AKAP13: variants seen among roughly 807,000 people sequenced by gnomAD.
The protein encoded by AKAP13 is A-kinase anchor protein 13.
AKAP13 carries 80 observed loss-of-function variants against 264.5 expected under a neutral mutation model. That is an observed-to-expected ratio of 0.30 (90% CI 0.25 to 0.36). AKAP13 has a LOEUF of 0.36. Ranked by LOEUF, AKAP13 falls within the 10% of genes least tolerant of loss-of-function variation. The pLI is 1.00. For synonymous variants in AKAP13, 1,380 were observed against 1,250.2 expected (o/e 1.10, Z -2.19); for missense variants, 3,712 against 3,435.2 (o/e 1.08, Z -2.01).
At chr15:85,533,981 C>A in intron 4 of AKAP13, 101 bp downstream of exon 4, 1 of 1,265,502 alleles carries the variant, frequency 7.9e-7, no homozygotes, top group Non-Finnish European at 1.1e-6. Flanking sequence ...TCAGGTCTTC[C>A]ACAGAGGCTG....
At chr15:85,706,046 T>C (rs2086231683) in intron 17 of AKAP13, among the ~76,000 whole-genome samples, 1 of 152,226 alleles carries the variant, frequency 6.6e-6, no homozygotes, top group African/African-American at 2.4e-5. Flanking sequence ...TCATAGTCTT[T>C]TTATACTTTT....
intron 1 of AKAP13, among the ~76,000 whole-genome samples, chr15:85,384,715 T>TG (rs1258696779): frequency 1.6e-5 from 2 of 127,500 alleles, no homozygotes; most frequent in African/African-American, 5.4e-5. Flanking sequence ...AGACTCCGTC[T>TG]GAAAAAAAAA....
rs1486779052 is a variant in AKAP13 at position 85,735,549 on chromosome 15, T to G, written c.7442-11T>G. 6 of 1,603,280 alleles carry G rather than the reference T, an allele frequency of 3.7e-6. No homozygotes were observed. The highest frequency in any genetic ancestry group is 5.1e-6 in the Non-Finnish European group (6 of 1,177,112). On this transcript the variant is annotated splice_polypyrimidine_tract_variant and intron_variant, in intron 31 of 36. Coordinates refer to ENST00000394518, the MANE Select transcript of AKAP13 (RefSeq NM_007200.5). The stretch of plus-strand genomic sequence containing the variant: ...ACTTTAAAAAAAAAAACAACCCTAT[T>G]TTTTGTTTAGGAGGCGAGAAGGAAG...
chr15:85,501,984 G>A (rs7163958), intron 2 of AKAP13, among the ~76,000 whole-genome samples: 77,292 of 152,068 alleles, frequency 0.51, 20,202 homozygotes, highest in Middle Eastern at 0.61. Context: ...TAACTGGTAC[G>A]GCGGAGCATG....
chr15:85,716,369 G>T (rs756867361), intron 20 of AKAP13, among the ~76,000 whole-genome samples: 14 of 152,142 alleles, frequency 9.2e-5, no homozygotes, highest in Non-Finnish European at 1.8e-4. Flanking sequence ...ACTTAAGTCA[G>T]TTTCATGGAG....
In AKAP13 at chr15:85,718,677, G is replaced by A. The variant is rs2151719871; in HGVS notation, c.6002-399G>A. On this transcript the variant is annotated intron_variant, in intron 22 of 36. Transcript: ENST00000394518. This position sits in a 1 kb window ranked among gnomAD's most constrained non-coding sequence, Gnocchi z 4.9. ...AGCACTCTGGGAGGCTGAGGCGGGTGGATCACTCGAGCCCAGAGTTCAAGA... is the reference window on the plus strand; with the variant it reads ...AGCACTCTGGGAGGCTGAGGCGGGTAGATCACTCGAGCCCAGAGTTCAAGA... 4.8e-6 allele frequency: 1 copy of A among 208,116 alleles called. No individual in the cohort carries two copies. The highest frequency in any genetic ancestry group is 7.2e-5 in the South Asian group (1 of 13,794). The allele number at this position is 208,116 out of a possible 1,614,324, so 12.9% of individuals were successfully genotyped here.
At chr15:85,587,342 G>A (rs889706399) in intron 8 of AKAP13, among the ~76,000 whole-genome samples, 9 of 152,244 alleles carry the variant, frequency 5.9e-5, no homozygotes, top group Middle Eastern at 3.4e-3. Context: ...TTCACTTAGC[G>A]TAATATTTTC....
At chr15:85,628,899 T>G (rs914984348) in intron 8 of AKAP13, among the ~76,000 whole-genome samples, 1 of 152,162 alleles carries the variant, frequency 6.6e-6, no homozygotes, top group African/African-American at 2.4e-5. Context: ...AAGACAAATA[T>G]AAGAATAAGA....
intron 8 of AKAP13, among the ~76,000 whole-genome samples, chr15:85,636,822 C>G (rs1170233838): frequency 6.6e-6 from 1 of 152,112 alleles, no homozygotes; most frequent in Non-Finnish European, 1.5e-5. Context: ...ACCATGTTGG[C>G]CAGGCTGATC....
At chr15:85,498,746 A>G (rs1016004547) in intron 2 of AKAP13, among the ~76,000 whole-genome samples, 1 of 152,192 alleles carries the variant, frequency 6.6e-6, no homozygotes, top group Non-Finnish European at 1.5e-5. Context: ...AATGACTGCC[A>G]TCTGGACTTC....
At chr15:85,644,490 C>G (rs2082457850) in intron 9 of AKAP13, among the ~76,000 whole-genome samples, 1 of 151,040 alleles carries the variant, frequency 6.6e-6, no homozygotes, top group African/African-American at 2.4e-5. Flanking sequence ...ATCCGCCTGC[C>G]TCAGCCTCCC....
chr15:85,568,538 C>A (rs899976063), intron 5 of AKAP13, among the ~76,000 whole-genome samples: 1 of 152,088 alleles, frequency 6.6e-6, no homozygotes, highest in African/African-American at 2.4e-5. Context: ...TCGGTGAATA[C>A]GGAGAATGGT....
chr15:85,747,734 A>G lies in AKAP13; in HGVS notation c.*3057A>G, dbSNP rs900409180. 1 of 152,642 alleles carries G rather than the reference A, an allele frequency of 6.6e-6. No individual in the cohort carries two copies. Among genetic ancestry groups the G allele is most frequent in the Non-Finnish European group, 1.5e-5 (1 of 68,040 alleles). The allele number at this position is 152,642 out of a possible 1,614,324, so 9.5% of individuals were successfully genotyped here. ...AAAAACATGCAAACTGCCACTTTCA[A>G]CCTTTGCCAGTATTCCCTCTACCCC... On this transcript the variant is annotated 3_prime_UTR_variant, in exon 37 of 37. Coordinates refer to ENST00000394518, the MANE Select transcript of AKAP13 (RefSeq NM_007200.5).
chr15:85,450,561 G>A lies in AKAP13; in HGVS notation c.-11-35149G>A, dbSNP rs62022077. On this transcript the variant is annotated intron_variant, in intron 1 of 36. Coordinates refer to ENST00000394518, the MANE Select transcript of AKAP13 (RefSeq NM_007200.5). ...AGAGATTCTGTTATGTTGTATCTTT[G>A]TTCTCATTATTTTCAAATAACTTCT... 5.9e-3 allele frequency among the ~76,000 whole-genome samples: 904 copies of A among 152,036 alleles called. 5 individuals are homozygous for A. Among genetic ancestry groups the A allele is most frequent in the Non-Finnish European group, 0.011 (756 of 67,958 alleles).
At chr15:85,730,124 G>A (rs1005308053) in intron 29 of AKAP13, among the ~76,000 whole-genome samples, 27 of 152,176 alleles carry the variant, frequency 1.8e-4, no homozygotes, top group Admixed American at 1.7e-3. Flanking sequence ...AAAGGAAGAA[G>A]TAATCATCAA....
intron 8 of AKAP13, chr15:85,624,437 G>A (rs2081321669): frequency 6.6e-6 from 1 of 152,200 alleles, no homozygotes; most frequent in Admixed American, 6.5e-5. Flanking sequence ...TCATTTTGCA[G>A]AGAAACACAC....
Position 85,735,112 on chromosome 15 carries a change from T to C in AKAP13, c.7403T>C (p.Phe2468Ser). 6.2e-7 allele frequency: 1 copy of C among 1,614,112 alleles called. No homozygotes were observed. The highest frequency in any genetic ancestry group is 8.5e-7 in the Non-Finnish European group (1 of 1,179,998). The change falls in exon 31 of 37, where the codon TTT (phenylalanine) becomes TCT (serine). Residue 2468 changes from phenylalanine (F) to serine (S), a missense_variant. Phe to Ser is a radical substitution (Grantham distance 155). Transcript: ENST00000394518. Reference sequence around the variant, plus strand: ...TCCCTGCCCCGGAGAGCAGAGACCTTTGGAGGATTTGACAGCCATCAGATG... The same window carrying C: ...TCCCTGCCCCGGAGAGCAGAGACCTCTGGAGGATTTGACAGCCATCAGATG... ...PVSLPRRAET[F>S]GGFDSHQMNA...
chr15:85,506,959 G>C (rs1403254235), intron 2 of AKAP13, among the ~76,000 whole-genome samples: 1 of 152,166 alleles, frequency 6.6e-6, no homozygotes, highest in African/African-American at 2.4e-5. Flanking sequence ...TCCTTGGAGT[G>C]ACTTTATCTC....
chr15:85,434,347 G>T (rs2073169297), intron 1 of AKAP13, among the ~76,000 whole-genome samples: 1 of 152,190 alleles, frequency 6.6e-6, no homozygotes, highest in African/African-American at 2.4e-5. Flanking sequence ...CTGACTGCTA[G>T]CACAGCAGTC....
Sources: gnomAD v4.1 joint callset for allele counts (sites outside exome capture counted in the v4.1 genomes callset) on GRCh38, gnomAD v4.1.1 for gene constraint, Gnocchi (gnomAD v3.1) non-coding constraint, MANE v1.5 for transcripts, NCBI Gene and HGNC (gene_info 2026-07-23, HGNC 2026-07-21) for gene names.